DYRK2: variants seen among roughly 807,000 people sequenced by gnomAD.
The protein encoded by DYRK2 is dual specificity tyrosine-phosphorylation-regulated kinase 2.
Under a neutral mutation model 41.6 loss-of-function variants are expected in DYRK2, and 12 were observed. The observed-to-expected ratio is 0.29, with a 90% CI of 0.18 to 0.47. The LOEUF is 0.47. Ranked by LOEUF, DYRK2 falls within the 20% of genes least tolerant of loss-of-function variation. The probability of loss-of-function intolerance (pLI) is 1.00; values close to 1 mark genes in which losing one functional copy is unlikely to be tolerated. For synonymous variants in DYRK2, 322 were observed against 315.7 expected, an observed-to-expected ratio of 1.02 and a Z score of -0.21; for missense variants, 678 against 798.4, an observed-to-expected ratio of 0.85 and a Z score of 1.82.
rs1872579008 is a variant in DYRK2 at position 67,659,926 on chromosome 12, A to G, written c.*1213A>G. The G allele has an allele frequency of 6.0e-6, 1 of 167,112 alleles. No individual in the cohort carries two copies. The highest frequency in any genetic ancestry group is 1.5e-5 in the Non-Finnish European group (1 of 68,124). The allele number at this position is 167,112 out of a possible 1,614,324, so 10.4% of individuals were successfully genotyped here. ...TTTGACTTATTCTTCGTATCATTAGAAGAACCCCAGAGATAGCATTCCTCT... is the reference window on the plus strand; with the variant it reads ...TTTGACTTATTCTTCGTATCATTAGGAGAACCCCAGAGATAGCATTCCTCT... On this transcript the variant is annotated 3_prime_UTR_variant, in exon 3 of 3. Coordinates refer to ENST00000344096, the MANE Select transcript of DYRK2 (RefSeq NM_006482.3).
rs1191720584 is a variant in DYRK2, at chr12:67,658,342, G to A, written c.1435G>A (p.Gly479Arg). 3.7e-6 allele frequency: 6 copies of A among 1,612,898 alleles called. No individual in the cohort carries two copies. The highest frequency in any genetic ancestry group is 1.3e-5 in the African/African-American group (1 of 74,886). The change falls in exon 3 of 3, where the codon GGA becomes AGA. Residue 479 changes from glycine to arginine, a missense_variant. Gly to Arg is a moderately radical substitution (Grantham distance 125). Transcript: ENST00000344096. The surrounding 1 kb of genome is among the most constrained non-coding windows in gnomAD (Gnocchi z 4.3). The part of the protein sequence containing the change: ...TLSDGSVVLN[G>R]GRSRRGKLRG... ...CTCAGATGGCTCTGTGGTCCTAAAC[G>A]GAGGCCGTTCCCGGAGGGGGAAACT...
intron 2 of DYRK2, among the ~76,000 whole-genome samples, chr12:67,655,100 G>T (rs1469430517): frequency 6.6e-6 from 1 of 152,148 alleles, no homozygotes; most frequent in Admixed American, 6.5e-5. Flanking sequence ...TAAAACATTT[G>T]TGATCATGTA....
rs1872652500 is a variant in DYRK2, at chr12:67,662,504, TTAAA to T, written c.*3794_*3797del. 1 of 166,896 alleles carries T rather than the reference TTAAA, an allele frequency of 6.0e-6. No individual in the cohort carries two copies. Among genetic ancestry groups the T allele is most frequent in the Non-Finnish European group, 1.5e-5 (1 of 68,090 alleles). The allele number at this position is 166,896 out of a possible 1,614,324, so 10.3% of individuals were successfully genotyped here. A position where few individuals can be genotyped will look rare whatever the true frequency, so the allele number is the denominator to read the frequency against. ...GAGATGCTGCTGTCGCCACTTAACA[TTAAA>T]TATGTTCTAGTGGATTTTAATCCTA... On this transcript the variant is annotated 3_prime_UTR_variant, in exon 3 of 3. Coordinates refer to ENST00000344096, the MANE Select transcript of DYRK2 (RefSeq NM_006482.3).
At chr12:67,655,712 T>C (rs1012715770) in intron 2 of DYRK2, among the ~76,000 whole-genome samples, 6 of 152,230 alleles carry the variant, frequency 3.9e-5, no homozygotes, top group African/African-American at 1.4e-4. Context: ...ATAGTCATTG[T>C]GCATATTATG....
chr12:67,663,031 G>C lies in DYRK2; in HGVS notation c.*4318G>C, dbSNP rs1872664713. On this transcript the variant is annotated 3_prime_UTR_variant, in exon 3 of 3. Transcript: ENST00000344096. ...AACCTTCACAATGATAGTTAAGCTG[G>C]GGGAGCAGAACCTGTCAATTATTCC... 3 of 151,948 alleles carry C rather than the reference G, an allele frequency of 2.0e-5. No homozygotes were observed. Among genetic ancestry groups the C allele is most frequent in the Non-Finnish European group, 4.4e-5 (3 of 67,954 alleles). 9.4% of individuals were successfully genotyped at this position (151,948 alleles called of 1,614,324 possible).
chr12:67,648,935 G>C lies in DYRK2; in HGVS notation c.-199G>C, dbSNP rs1592710055. 5.2e-6 allele frequency: 2 copies of C among 384,630 alleles called. No homozygotes were observed. The highest frequency in any genetic ancestry group is 9.0e-5 in the East Asian group (2 of 22,108). 23.8% of individuals were successfully genotyped at this position (384,630 alleles called of 1,614,324 possible). A position where few individuals can be genotyped will look rare whatever the true frequency, so the allele number is the denominator to read the frequency against. ...AGGACGGCGGCGAGGAGGAGAGCGG[G>C]GGGCTCGCGGCGGCGGGCCCCGGCC... On this transcript the variant is annotated 5_prime_UTR_variant, in exon 1 of 3. Coordinates refer to ENST00000344096, the MANE Select transcript of DYRK2 (RefSeq NM_006482.3).
intron 2 of DYRK2, chr12:67,651,455 C>T (rs963573646): frequency 1.1e-5 from 4 of 380,942 alleles, no homozygotes; most frequent in African/African-American, 8.5e-5. Flanking sequence ...AATTGAAATA[C>T]ATGTAATGAA....
rs778738297 is a variant in DYRK2 at position 67,649,126 on chromosome 12, C to T, written c.-8C>T. ...CAGCCCTGAAATGCATTTTCCTCTC[C>T]AGCGGCCATGTTAACCAGGAAACCT... On this transcript the variant is annotated 5_prime_UTR_variant, in exon 1 of 3. The change creates a premature stop within an existing upstream ORF in the 5' untranslated region. Transcript: ENST00000344096. 32 of 1,512,222 alleles carry T rather than the reference C, an allele frequency of 2.1e-5. No individual in the cohort carries two copies. The highest frequency in any genetic ancestry group is 2.8e-5 in the Non-Finnish European group (32 of 1,127,214). 93.7% of individuals were successfully genotyped at this position (1,512,222 alleles called of 1,614,324 possible).
rs777145046 is a variant in DYRK2 at position 67,649,086 on chromosome 12, C to T, written c.-48C>T. 2.8e-5 allele frequency: 41 copies of T among 1,445,700 alleles called. No individual in the cohort carries two copies. Among genetic ancestry groups the T allele is most frequent in the Non-Finnish European group, 3.5e-5 (38 of 1,087,882 alleles). 89.6% of individuals were successfully genotyped at this position (1,445,700 alleles called of 1,614,324 possible). On this transcript the variant is annotated 5_prime_UTR_variant, in exon 1 of 3. Coordinates refer to ENST00000344096, the MANE Select transcript of DYRK2 (RefSeq NM_006482.3). The stretch of plus-strand genomic sequence containing the variant: ...CGGCCGCCAGAAGTAGCAGCAGGAC[C>T]GGCGGCGGCGACGGCAGCCCTGAAA...
rs1136138 is a variant in DYRK2 at position 67,660,906 on chromosome 12, T to C, written c.*2193T>C. ...ACATTTAAATATACAAACCTGAGCC[T>C]GCCATTATTAATTTCCCTATAAAAT... On this transcript the variant is annotated 3_prime_UTR_variant, in exon 3 of 3. Transcript: ENST00000344096. The C allele has an allele frequency of 0.56, 93,107 of 166,834 alleles. 27,323 individuals are homozygous for C. The highest frequency in any genetic ancestry group is 0.64 in the East Asian group (3,320 of 5,172). 10.3% of individuals were successfully genotyped at this position (166,834 alleles called of 1,614,324 possible). A position where few individuals can be genotyped will look rare whatever the true frequency, so the allele number is the denominator to read the frequency against.
rs778950423 is a variant in DYRK2, at chr12:67,658,365, A to G, written c.1458A>G (p.Lys486=). ...ACGGAGGCCGTTCCCGGAGGGGGAA[A>G]CTGAGGGGCCCACCGGAGAGCAGAG... ...VLNGGRSRRG[K]LRGPPESREW... Residue 486 remains lysine (K), a synonymous_variant, in exon 3 of 3, where the codon AAA becomes AAG. Transcript: ENST00000344096. This position sits in a 1 kb window ranked among gnomAD's most constrained non-coding sequence, Gnocchi z 4.3. The G allele has an allele frequency of 1.9e-6, 3 of 1,610,376 alleles. No homozygotes were observed. The highest frequency in any genetic ancestry group is 1.7e-4 in the Middle Eastern group (1 of 5,994).
intron 2 of DYRK2, among the ~76,000 whole-genome samples, chr12:67,656,426 A>G (rs1460122954): frequency 6.6e-6 from 1 of 152,210 alleles, no homozygotes; most frequent in Admixed American, 6.5e-5. Flanking sequence ...AATGCCTTAA[A>G]TGGTTATTAC....
At position 67,657,904 on chromosome 12, in the gene DYRK2, C is replaced by T; in HGVS notation, c.997C>T (p.Leu333=). 1 of 1,614,246 alleles carries T rather than the reference C, an allele frequency of 6.2e-7. No homozygotes were observed. The highest frequency in any genetic ancestry group is 8.5e-7 in the Non-Finnish European group (1 of 1,180,046). Residue 333 remains leucine (L), a synonymous_variant, in exon 3 of 3, where the codon CTG becomes TTG. Transcript: ENST00000344096. The surrounding 1 kb of genome is among the most constrained non-coding windows in gnomAD (Gnocchi z 4.8). ...GGTTCGCAAGTTTGCCCACTCGATT[C>T]TGCAGTGCTTGGATGCTTTGCACAA... ...PLVRKFAHSI[L]QCLDALHKNR...
intron 1 of DYRK2, 169 bp from the exon 2 acceptor site, chr12:67,649,628 G>T: frequency 1.3e-6 from 1 of 761,192 alleles, no homozygotes; most frequent in Non-Finnish European, 1.8e-6. Flanking sequence ...CCCCGCCCGT[G>T]GGTGTGCGCT....
intron 2 of DYRK2, among the ~76,000 whole-genome samples, chr12:67,656,634 C>T (rs1449241270): frequency 6.6e-6 from 1 of 152,042 alleles, no homozygotes; most frequent in Non-Finnish European, 1.5e-5. Context: ...GGATAGAGCT[C>T]TAGGTATTAG....
Position 67,658,816 on chromosome 12 carries a change from C to A in DYRK2, c.*103C>A. The stretch of plus-strand genomic sequence containing the variant: ...ACCTGTTTTTATTTGCTCAATAACT[C>A]TACTCATTTGTATCTTTTCAGCACT... On this transcript the variant is annotated 3_prime_UTR_variant, in exon 3 of 3. Coordinates refer to ENST00000344096, the MANE Select transcript of DYRK2 (RefSeq NM_006482.3). The surrounding 1 kb of genome is among the most constrained non-coding windows in gnomAD (Gnocchi z 4.3). 7.9e-7 allele frequency: 1 copy of A among 1,269,878 alleles called. No individual in the cohort carries two copies. The highest frequency in any genetic ancestry group is 1.1e-6 in the Non-Finnish European group (1 of 930,020). 78.7% of individuals were successfully genotyped at this position (1,269,878 alleles called of 1,614,324 possible). A position where few individuals can be genotyped will look rare whatever the true frequency, so the allele number is the denominator to read the frequency against.
In DYRK2 at chr12:67,664,394, A is replaced by G. The variant is rs1872696392; in HGVS notation, c.*5681A>G. 6.6e-6 allele frequency: 1 copy of G among 152,182 alleles called. No homozygotes were observed. The highest frequency in any genetic ancestry group is 1.5e-5 in the Non-Finnish European group (1 of 68,002). 9.4% of individuals were successfully genotyped at this position (152,182 alleles called of 1,614,324 possible). On this transcript the variant is annotated 3_prime_UTR_variant, in exon 3 of 3. Coordinates refer to ENST00000344096, the MANE Select transcript of DYRK2 (RefSeq NM_006482.3). ...ATTAAGTCATCTGTCGTTAAGGAGC[A>G]GCAAGAATATATTATGATTGTATCA...
rs1372872868 is a variant in DYRK2, at chr12:67,658,077, T to C, written c.1170T>C (p.Ala390=). Residue 390 remains alanine (A), a synonymous_variant, in exon 3 of 3, where the codon GCT becomes GCC. Coordinates refer to ENST00000344096, the MANE Select transcript of DYRK2 (RefSeq NM_006482.3). This position sits in a 1 kb window ranked among gnomAD's most constrained non-coding sequence, Gnocchi z 4.3. ...YTYIQSRFYR[A]PEVILGARYG... ...ACATCCAGTCGCGTTTTTACCGGGC[T>C]CCAGAAGTGATCCTTGGGGCCAGGT... 6.2e-7 allele frequency: 1 copy of C among 1,614,242 alleles called. No individual in the cohort carries two copies. Among genetic ancestry groups the C allele is most frequent in the Admixed American group, 1.7e-5 (1 of 60,034 alleles).
intron 2 of DYRK2, among the ~76,000 whole-genome samples, chr12:67,653,170 A>G (rs1872372336): frequency 6.6e-6 from 1 of 152,190 alleles, no homozygotes; most frequent in Admixed American, 6.5e-5. Context: ...TGTGCTATAC[A>G]TTGGCATATC....
Sources: gnomAD v4.1 joint callset for allele counts (sites outside exome capture counted in the v4.1 genomes callset) on GRCh38, gnomAD v4.1.1 for gene constraint, Gnocchi (gnomAD v3.1) non-coding constraint, MANE v1.5 for transcripts, NCBI Gene and HGNC (gene_info 2026-07-23, HGNC 2026-07-21) for gene names.